Variants in GPC5 observed in about 807,000 individuals in gnomAD.
The protein encoded by GPC5 is glypican-5.
Under a neutral mutation model 53.9 loss-of-function variants are expected in GPC5, and 47 were observed. The ratio of observed to expected loss-of-function variants is 0.87; its 90% CI spans 0.69 to 1.11. The LOEUF (loss-of-function observed/expected upper bound fraction) is 1.11. GPC5 is among the 50% of genes most tolerant of loss of function. The pLI is 0.00. For missense variants in GPC5, 748 were observed against 713.1 expected, an observed-to-expected ratio of 1.05 and a Z score of -0.56; for synonymous variants, 286 against 263.3, an observed-to-expected ratio of 1.09 and a Z score of -0.84.
intron 5 of GPC5, among the ~76,000 whole-genome samples, chr13:91,872,416 G>A (rs959831192): frequency 6.6e-6 from 1 of 152,070 alleles, no homozygotes; most frequent in African/African-American, 2.4e-5. Context: ...TGAGAAGTAA[G>A]CATTCTTTTT....
chr13:91,565,086 T>C (rs2031470551), intron 2 of GPC5, among the ~76,000 whole-genome samples: 1 of 151,460 alleles, frequency 6.6e-6, no homozygotes, highest in African/African-American at 2.4e-5. Flanking sequence ...ACCTCCTGGG[T>C]TCAAGCAATT....
At position 92,123,281 on chromosome 13, in the gene GPC5, G is replaced by A. The variant is rs533951535; in HGVS notation, c.1402-21549G>A. On this transcript the variant is annotated intron_variant, in intron 6 of 7. Transcript: ENST00000377067. ...ACTATTTGGTTTTGGTGGCGGGCAC[G>A]TGTAATTCCAGTTACTTTGGGAGGC... 6.6e-5 allele frequency among the ~76,000 whole-genome samples: 10 copies of A among 152,004 alleles called. No individual in the cohort carries two copies. The South Asian group carries it at 1.0e-3, about 16-fold the overall frequency.
At chr13:92,116,081 T>A (rs1347128162) in intron 6 of GPC5, among the ~76,000 whole-genome samples, 4 of 151,736 alleles carry the variant, frequency 2.6e-5, no homozygotes, top group African/African-American at 9.7e-5. Flanking sequence ...CAGGAAACTA[T>A]CTCTACAAAA....
At chr13:91,999,437 A>C (rs1224936653) in intron 6 of GPC5, among the ~76,000 whole-genome samples, 4 of 152,056 alleles carry the variant, frequency 2.6e-5, no homozygotes, top group Non-Finnish European at 5.9e-5. Flanking sequence ...GGTATTCCCC[A>C]TTTTGCTTAA....
chr13:92,086,948 C>A (rs1436620151), intron 6 of GPC5, among the ~76,000 whole-genome samples: 3 of 152,152 alleles, frequency 2.0e-5, no homozygotes, highest in South Asian at 2.1e-4. Context: ...TGTGAGCCAC[C>A]ACACCCAGCC....
intron 5 of GPC5, among the ~76,000 whole-genome samples, chr13:91,787,604 G>A (rs2037899391): frequency 6.6e-6 from 1 of 152,182 alleles, no homozygotes; most frequent in African/African-American, 2.4e-5. Flanking sequence ...TGATTGGGAT[G>A]TAAAGAGGCA....
chr13:91,632,588 C>T (rs182961405), intron 2 of GPC5, among the ~76,000 whole-genome samples: 4 of 152,192 alleles, frequency 2.6e-5, no homozygotes, highest in Admixed American at 6.5e-5. Flanking sequence ...ACTGCCCTAC[C>T]TGTGTTAGAG....
At chr13:92,034,455 G>A (rs1048953454) in intron 6 of GPC5, among the ~76,000 whole-genome samples, 1 of 152,066 alleles carries the variant, frequency 6.6e-6, no homozygotes, top group Admixed American at 6.5e-5. Flanking sequence ...CCGAGATAGT[G>A]CCACTGCACT....
intron 1 of GPC5, among the ~76,000 whole-genome samples, chr13:91,440,627 C>T (rs1042269617): frequency 1.3e-5 from 2 of 152,062 alleles, no homozygotes; most frequent in African/African-American, 4.8e-5. Context: ...CATGTTATAT[C>T]GACTCTTCAT....
At chr13:91,704,871 G>C (rs2036065644) in intron 3 of GPC5, among the ~76,000 whole-genome samples, 1 of 152,206 alleles carries the variant, frequency 6.6e-6, no homozygotes, top group Admixed American at 6.5e-5. Flanking sequence ...GTCAATAGTT[G>C]AGAAGTTCTA....
intron 2 of GPC5, among the ~76,000 whole-genome samples, chr13:91,689,364 G>C (rs2035705437): frequency 1.3e-5 from 2 of 148,848 alleles, no homozygotes; most frequent in South Asian, 4.2e-4. Context: ...GAATGCAAAG[G>C]CTTAGGACAT....
chr13:92,441,634 G>A (rs1242752489), intron 7 of GPC5, among the ~76,000 whole-genome samples: 1 of 152,130 alleles, frequency 6.6e-6, no homozygotes, highest in African/African-American at 2.4e-5. Flanking sequence ...CCAAGGAGGG[G>A]AAAGATCTCT....
chr13:91,519,052 G>A (rs964218286), intron 2 of GPC5, among the ~76,000 whole-genome samples: 2 of 152,082 alleles, frequency 1.3e-5, no homozygotes, highest in Admixed American at 6.6e-5. Flanking sequence ...ATTCATTAAC[G>A]TTCATAATGT....
At chr13:91,647,070 CG>C (rs34413707) in intron 2 of GPC5, among the ~76,000 whole-genome samples, 1 of 144,030 alleles carries the variant, frequency 6.9e-6, no homozygotes, top group African/African-American at 2.6e-5. Flanking sequence ...TATATATATG[CG>C]TGTGTGTGTG....
intron 1 of GPC5, among the ~76,000 whole-genome samples, chr13:91,440,854 A>G (rs7337464): frequency 0.077 from 11,767 of 152,150 alleles, 1,460 homozygotes; most frequent in African/African-American, 0.27. Flanking sequence ...TTGCTTATAG[A>G]CTGCACAAGT....
At chr13:91,430,551 G>T (rs1205550456) in intron 1 of GPC5, among the ~76,000 whole-genome samples, 1 of 152,156 alleles carries the variant, frequency 6.6e-6, no homozygotes, top group African/African-American at 2.4e-5. Flanking sequence ...AGCAGCCATT[G>T]TGCTACTTGA....
intron 6 of GPC5, among the ~76,000 whole-genome samples, chr13:92,132,634 C>T (rs543302287): frequency 8.1e-4 from 123 of 152,130 alleles, no homozygotes; most frequent in African/African-American, 2.7e-3. Flanking sequence ...CCTCTGTGTT[C>T]AATTTTCCCC....
At chr13:91,862,008 A>G (rs1196852705) in intron 5 of GPC5, among the ~76,000 whole-genome samples, 2 of 151,998 alleles carry the variant, frequency 1.3e-5, no homozygotes, top group Admixed American at 1.3e-4. Context: ...TTTTCTATGT[A>G]CATCATAAAC....
At chr13:92,153,523 T>G (rs2041921838) in intron 7 of GPC5, among the ~76,000 whole-genome samples, 1 of 152,188 alleles carries the variant, frequency 6.6e-6, no homozygotes, top group Non-Finnish European at 1.5e-5. Flanking sequence ...AATATTGGAG[T>G]TGATGTCAAT....
Sources: allele counts gnomAD v4.1 joint callset (sites outside exome capture counted in the v4.1 genomes callset), GRCh38; gene constraint gnomAD v4.1.1; transcripts MANE v1.5; gene names NCBI Gene and HGNC (gene_info 2026-07-23, HGNC 2026-07-21).